The following CDH3 variants were observed in gnomAD, a reference collection of about 807,000 sequenced individuals.
CDH3 encodes the protein cadherin 3, also known as cadherin-3.
CDH3 carries 54 observed loss-of-function variants against 82.0 expected under a neutral mutation model. The ratio of observed to expected loss-of-function variants is 0.66; its 90% CI spans 0.53 to 0.83. The LOEUF is 0.83. Ranked by LOEUF, CDH3 falls within the 40% of genes least tolerant of loss-of-function variation. The pLI, the probability that CDH3 is intolerant of heterozygous loss-of-function variation, is 0.00. For missense variants in CDH3, 1,054 were observed against 1,084.6 expected, an observed-to-expected ratio of 0.97 and a Z score of 0.40; for synonymous variants, 446 against 437.9, an observed-to-expected ratio of 1.02 and a Z score of -0.23.
intron 13 of CDH3, among the ~76,000 whole-genome samples, chr16:68,693,239 G>A (rs1258812464): frequency 1.3e-5 from 2 of 152,224 alleles, no homozygotes; most frequent in Non-Finnish European, 2.9e-5. Flanking sequence ...GTTTTGAGCA[G>A]AGGGGTGATG....
In CDH3 at chr16:68,667,211, C is replaced by T. The variant is rs376399401; in HGVS notation, c.161-9174C>T. Among the ~76,000 whole-genome samples the T allele has an allele frequency of 2.2e-4, 33 of 152,252 alleles. 2 individuals are homozygous for T. The highest frequency in any genetic ancestry group is 7.5e-4 in the African/African-American group (31 of 41,554). Reference sequence around the variant, plus strand: ...CAAGTCACTTCCACCTACTTTTCCCCGGTGCCCTCTTATCCCAATCCCTTA... The same window carrying T: ...CAAGTCACTTCCACCTACTTTTCCCTGGTGCCCTCTTATCCCAATCCCTTA... On this transcript the variant is annotated intron_variant, in intron 2 of 15. Transcript: ENST00000264012.
At chr16:68,669,182 T>C (rs1960819980) in intron 2 of CDH3, among the ~76,000 whole-genome samples, 3 of 152,158 alleles carry the variant, frequency 2.0e-5, no homozygotes, top group African/African-American at 7.2e-5. Context: ...GTTGTCAGAT[T>C]GGGAGAAGTA....
chr16:68,678,183 A>G lies in CDH3; in HGVS notation c.296A>G (p.Lys99Arg), dbSNP rs1417499962. 1 of 1,613,884 alleles carries G rather than the reference A, an allele frequency of 6.2e-7. No homozygotes were observed. Among genetic ancestry groups the G allele is most frequent in the Non-Finnish European group, 8.5e-7 (1 of 1,179,754 alleles). Residue 99 changes from lysine (K) to arginine (R), a missense_variant, in exon 4 of 16, where the codon AAA becomes AGA. Lys to Arg is a conservative substitution (Grantham distance 26). Coordinates refer to ENST00000264012, the MANE Select transcript of CDH3 (RefSeq NM_001793.6). ...ERNPLKIFPSKRILRRHKRDW... is the reference protein window; with the variant it reads ...ERNPLKIFPSRRILRRHKRDW... The stretch of plus-strand genomic sequence containing the variant: ...AATCCATTGAAGATCTTCCCATCCA[A>G]ACGTATCTTACGAAGACACAAGAGA...
At chr16:68,654,927 T>A (rs1290015715) in intron 2 of CDH3, among the ~76,000 whole-genome samples, 2 of 151,712 alleles carry the variant, frequency 1.3e-5, no homozygotes, top group Non-Finnish European at 2.9e-5. Context: ...TCCTAGCTAC[T>A]CAGGAGGCTG....
chr16:68,718,968 G>A lies in CDH3; in HGVS notation c.100-3457G>A, dbSNP rs565077796. 3.5e-4 allele frequency among the ~76,000 whole-genome samples: 53 copies of A among 152,144 alleles called. No individual in the cohort carries two copies. The South Asian group carries it at 0.011, about 31-fold the overall frequency. On this transcript the variant is annotated intron_variant, in intron 1 of 2. Coordinates refer to the CDH3 transcript ENST00000569080. Reference sequence around the variant, plus strand: ...AAGAAAAAAAACGGGGCCGGGCGCGGTGGCTCCCTCACGCCTGTAATCCCA... The same window carrying A: ...AAGAAAAAAAACGGGGCCGGGCGCGATGGCTCCCTCACGCCTGTAATCCCA...
chr16:68,651,826 G>A lies in CDH3; in HGVS notation c.160+6076G>A, dbSNP rs1055679945. ...TGCTGGAAGTCAGGGCTGATGGAGA[G>A]GCTGGTGAGTCCCTCGATCCAGCTG... On this transcript the variant is annotated intron_variant, in intron 2 of 15. Coordinates refer to ENST00000264012, the MANE Select transcript of CDH3 (RefSeq NM_001793.6). 16 of 493,770 alleles carry A rather than the reference G, an allele frequency of 3.2e-5. No individual in the cohort carries two copies. The East Asian group carries it at 8.3e-4, about 25-fold the overall frequency. 30.6% of individuals were successfully genotyped at this position (493,770 alleles called of 1,614,324 possible).
chr16:68,645,488 A>T, intron 1 of CDH3, 64 bp downstream of exon 1: 4 of 1,569,580 alleles, frequency 2.5e-6, no homozygotes, highest in Non-Finnish European at 3.5e-6. Context: ...CGGGGTCCGC[A>T]TGGGGCAGTG....
Position 68,698,285 on chromosome 16 carries a change from T to C in CDH3, c.2375T>C (p.Leu792Pro), listed in dbSNP as rs1406189241. The change falls in exon 16 of 16, where the codon CTG becomes CCG. Residue 792 changes from leucine (L) to proline (P), a missense_variant. Coordinates refer to ENST00000264012, the MANE Select transcript of CDH3 (RefSeq NM_001793.6). ...YEGSGSDAASLSSLTSSASDQ... is the reference protein window; with the variant it reads ...YEGSGSDAASPSSLTSSASDQ... Reference sequence around the variant, plus strand: ...GGCAGCGGCTCCGACGCCGCGTCCCTGAGCTCCCTCACCTCCTCCGCCTCC... The same window carrying C: ...GGCAGCGGCTCCGACGCCGCGTCCCCGAGCTCCCTCACCTCCTCCGCCTCC... 6.2e-7 allele frequency: 1 copy of C among 1,614,144 alleles called. No individual in the cohort carries two copies. The highest frequency in any genetic ancestry group is 8.5e-7 in the Non-Finnish European group (1 of 1,180,054).
intron 1 of CDH3, among the ~76,000 whole-genome samples, chr16:68,708,736 C>T (rs186609518): frequency 1.8e-4 from 27 of 152,098 alleles, no homozygotes; most frequent in East Asian, 1.4e-3. Context: ...CTCCACCTCC[C>T]GGGTTCAGGC....
intron 6 of CDH3, among the ~76,000 whole-genome samples, chr16:68,679,527 T>A (rs1461407236): frequency 1.3e-5 from 2 of 151,824 alleles, no homozygotes; most frequent in African/African-American, 2.4e-5. Flanking sequence ...ATCCTATCTC[T>A]ACTAAAAATA....
chr16:68,656,417 T>C (rs1205312421), intron 2 of CDH3, among the ~76,000 whole-genome samples: 1 of 152,172 alleles, frequency 6.6e-6, no homozygotes, highest in Non-Finnish European at 1.5e-5. Context: ...GCAGCAGGGC[T>C]GGCAAGGAAG....
chr16:68,703,793 A>G (rs1340996113), downstream of CDH3, among the ~76,000 whole-genome samples: 3 of 151,866 alleles, frequency 2.0e-5, no homozygotes, highest in African/African-American at 7.3e-5. Flanking sequence ...CTAAAAATTT[A>G]AAAATTAGCT....
downstream of CDH3, among the ~76,000 whole-genome samples, chr16:68,729,452 G>A (rs935095366): frequency 6.6e-6 from 1 of 152,168 alleles, no homozygotes; most frequent in African/African-American, 2.4e-5. Flanking sequence ...TATCATAGTT[G>A]TGGTTTCACA....
chr16:68,694,415 G>C (rs1039874949), intron 13 of CDH3, among the ~76,000 whole-genome samples: 11 of 150,378 alleles, frequency 7.3e-5, no homozygotes, highest in African/African-American at 2.7e-4. Context: ...TGAGGGTGGG[G>C]GTTCAAGACC....
chr16:68,650,822 C>A (rs923681415), intron 2 of CDH3, among the ~76,000 whole-genome samples: 2 of 152,010 alleles, frequency 1.3e-5, no homozygotes, highest in South Asian at 2.1e-4. Flanking sequence ...CCCCTTCCCC[C>A]ACAGCCTGGT....
At position 68,666,482 on chromosome 16, in the gene CDH3, A is replaced by G. The variant is rs570581722; in HGVS notation, c.161-9903A>G. On this transcript the variant is annotated intron_variant, in intron 2 of 15. Transcript: ENST00000264012. ...GGTCCCAAGTGAATCCAGGAGCCCC[A>G]AGGCCTCTTGGGATCCCAGCATGTG... is the stretch of plus-strand genomic sequence containing the variant. Among the ~76,000 whole-genome samples the G allele has an allele frequency of 2.6e-5, 4 of 152,152 alleles. No homozygotes were observed. The South Asian group carries it at 8.3e-4, about 32-fold the overall frequency.
chr16:68,680,080 C>T (rs976367593), intron 7 of CDH3, 106 bp downstream of exon 7: 46 of 1,091,658 alleles, frequency 4.2e-5, no homozygotes, highest in Non-Finnish European at 6.3e-5. Context: ...CAAGGCAGAA[C>T]AGTGAGGACC....
At chr16:68,653,526 C>T (rs1297811101) in intron 2 of CDH3, among the ~76,000 whole-genome samples, 1 of 151,826 alleles carries the variant, frequency 6.6e-6, no homozygotes, top group Admixed American at 6.6e-5. Context: ...CTTGAGCCAT[C>T]GCGCCCGGCC....
chr16:68,673,683 TG>T (rs781052069), intron 2 of CDH3, among the ~76,000 whole-genome samples: 1 of 152,182 alleles, frequency 6.6e-6, no homozygotes, highest in Non-Finnish European at 1.5e-5. Flanking sequence ...CCCAGCACTT[TG>T]GGAGGCCAGG....
Sources: gnomAD v4.1 joint callset for allele counts (sites outside exome capture counted in the v4.1 genomes callset) on GRCh38, gnomAD v4.1.1 for gene constraint, MANE v1.5 for transcripts, NCBI Gene and HGNC (gene_info 2026-07-23, HGNC 2026-07-21) for gene names.